The following RGS12 variants were observed in gnomAD, a reference collection of about 807,000 sequenced individuals.
RGS12 encodes regulator of G-protein signaling 12.
In RGS12, 66 loss-of-function variants were observed where a neutral mutation model predicts 120.1. That is an observed-to-expected ratio of 0.55 (90% CI 0.45 to 0.67). The LOEUF is 0.67. Among genes scored for constraint, RGS12 ranks in the 30% least tolerant of loss-of-function variants. The probability of loss-of-function intolerance (pLI) is 0.00; values close to 1 mark genes in which losing one functional copy is unlikely to be tolerated. For missense variants in RGS12, 1,859 were observed against 1,957.7 expected, an observed-to-expected ratio of 0.95 and a Z score of 0.95; for synonymous variants, 827 against 804.7, an observed-to-expected ratio of 1.03 and a Z score of -0.47.
chr4:3,376,981 C>T (rs1021115192), intron 3 of RGS12, among the ~76,000 whole-genome samples: 1 of 151,886 alleles, frequency 6.6e-6, no homozygotes, highest in Admixed American at 6.6e-5. Context: ...AAAGGTAAAG[C>T]ATATATTAGG....
At position 3,414,155 on chromosome 4, in the gene RGS12, C is replaced by T. The variant is rs773621864; in HGVS notation, c.2104C>T (p.Arg702Trp). ...CAGCCTCCCCAGCGTGCAGAGCTGC[C>T]GGCGCCTGCGTGAGAGGAGGGTCGC... ...NASLPSVQSC[R>W]RLRERRVASW... The change falls in exon 5 of 18, where the codon CGG becomes TGG. Residue 702 changes from arginine (R) to tryptophan (W), a missense_variant. By Grantham distance (101) the Arg-to-Trp change is moderately radical. Transcript: ENST00000336727. 2.1e-5 allele frequency: 33 copies of T among 1,559,446 alleles called. No individual in the cohort carries two copies. In the Admixed American group the frequency reaches 2.6e-4, roughly 12 times the overall value.
intron 4 of RGS12, among the ~76,000 whole-genome samples, chr4:3,411,773 G>A (rs2109086902): frequency 6.6e-6 from 1 of 152,412 alleles, no homozygotes; most frequent in Admixed American, 6.5e-5. Flanking sequence ...CACATGGGGG[G>A]GAGTCTTGGA....
chr4:3,316,678 TCCCTTTCAGAGTCG>T lies in RGS12; in HGVS notation c.509_522del (p.Ser170CysfsTer6), dbSNP rs1278338704. 1 of 1,613,924 alleles carries T rather than the reference TCCCTTTCAGAGTCG, an allele frequency of 6.2e-7. No individual in the cohort carries two copies. Among genetic ancestry groups the T allele is most frequent in the African/African-American group, 1.3e-5 (1 of 74,900 alleles). On this transcript the variant is annotated frameshift_variant, in exon 2 of 18. Transcript: ENST00000336727. LOFTEE classifies it high-confidence loss of function. ...AGAGCCCTTGAAATTGAAACAAAGA[TCCCTTTCAGAGTCG>T]GCCGCAACTCGATTTGATGTTGGAC...
Position 3,316,414 on chromosome 4 carries a change from A to G in RGS12, c.244A>G (p.Lys82Glu). Residue 82 changes from lysine (K) to glutamate (E), a missense_variant, in exon 2 of 18, where the codon AAA becomes GAA. Lys to Glu is a moderately conservative substitution (Grantham distance 56). Around this residue, in one of 3 missense-constraint regions of RGS12, gnomAD observed 967 missense variants for 994.2 expected, o/e 0.97. Transcript: ENST00000336727. ...AAAAGCATCTCATGAAGATGTAGTG[A>G]AATTAATTGGGAAGTGCTCTGGTGT... ...VKKASHEDVVKLIGKCSGVLH... is the reference protein window; with the variant it reads ...VKKASHEDVVELIGKCSGVLH... The G allele has an allele frequency of 6.2e-7, 1 of 1,614,138 alleles. No individual in the cohort carries two copies. The highest frequency in any genetic ancestry group is 1.1e-5 in the South Asian group (1 of 91,084).
At chr4:3,395,037 A>G (rs558078918) in intron 4 of RGS12, among the ~76,000 whole-genome samples, 1 of 152,108 alleles carries the variant, frequency 6.6e-6, no homozygotes, top group Non-Finnish European at 1.5e-5. Context: ...CAAAACAAAA[A>G]AAAACATTAG....
At chr4:3,362,558 T>A (rs1715721460) in intron 3 of RGS12, among the ~76,000 whole-genome samples, 1 of 106,650 alleles carries the variant, frequency 9.4e-6, no homozygotes, top group Non-Finnish European at 1.9e-5. Context: ...AGGGTGTGTG[T>A]GATGTGAGGG....
chr4:3,435,822 T>A (rs1724755550), intron 17 of RGS12, among the ~76,000 whole-genome samples: 1 of 152,170 alleles, frequency 6.6e-6, no homozygotes, highest in African/African-American at 2.4e-5. Flanking sequence ...TGCAAGTGAC[T>A]GTGACCTGGC....
chr4:3,357,603 C>T (rs777708301), intron 3 of RGS12, among the ~76,000 whole-genome samples: 5 of 152,074 alleles, frequency 3.3e-5, no homozygotes, highest in Admixed American at 6.6e-5. Flanking sequence ...TTTCCCGGCA[C>T]CATTTATTGA....
At position 3,433,666 on chromosome 4, in the gene RGS12, C is replaced by T. The variant is rs1724548122; in HGVS notation, c.4114+2711C>T. On this transcript the variant is annotated intron_variant, in intron 17 of 17. Coordinates refer to ENST00000336727, the MANE Select transcript of RGS12 (RefSeq NM_001394154.1). This position sits in a 1 kb window ranked among gnomAD's most constrained non-coding sequence, Gnocchi z 4.4. ...CGTGCCATGCCACCCTGTTCCAGCC[C>T]CTGCGCCACGTGGTGCTCCACCACG... is the stretch of plus-strand genomic sequence containing the variant. Among the ~76,000 whole-genome samples, 1 of 152,102 alleles carries T rather than the reference C, an allele frequency of 6.6e-6. No homozygotes were observed.
At position 3,422,529 on chromosome 4, in the gene RGS12, A is replaced by T; in HGVS notation, c.2992A>T (p.Asn998Tyr). The change falls in exon 11 of 18, where the codon AAC (asparagine) becomes TAC (tyrosine). Residue 998 changes from asparagine (N) to tyrosine (Y), a missense_variant. Asn to Tyr is a moderately radical substitution (Grantham distance 143, BLOSUM62 -2). Transcript: ENST00000336727. Reference protein sequence around the residue: ...LSGLCERHGINGAAADLFLVG... With the variant: ...LSGLCERHGIYGAAADLFLVG... ...CGGACTCTGTGAGCGGCATGGCATC[A>T]ACGGGGCGGCCGCGGACCTCTTCCT... 1 of 1,612,816 alleles carries T rather than the reference A, an allele frequency of 6.2e-7. No individual in the cohort carries two copies. The highest frequency in any genetic ancestry group is 8.5e-7 in the Non-Finnish European group (1 of 1,179,966).
At chr4:3,371,944 CG>C (rs1717049909) in intron 3 of RGS12, among the ~76,000 whole-genome samples, 1 of 152,086 alleles carries the variant, frequency 6.6e-6, no homozygotes, top group Non-Finnish European at 1.5e-5. Context: ...AAAGAGCACG[CG>C]GGGGAGCTGC....
At position 3,317,797 on chromosome 4, in the gene RGS12, C is replaced by G. The variant is rs1286027667; in HGVS notation, c.1627C>G (p.Leu543Val). 3 of 1,613,274 alleles carry G rather than the reference C, an allele frequency of 1.9e-6. No individual in the cohort carries two copies. Among genetic ancestry groups the G allele is most frequent in the Non-Finnish European group, 2.5e-6 (3 of 1,179,916 alleles). ...CCAGCGCTGGCTCCCGGTCCACGTG[C>G]TCCGGGAGTGGCAGTGCGGACACAC... is the stretch of plus-strand genomic sequence containing the variant. Reference protein sequence around the residue: ...FNQRWLPVHVLREWQCGHTSD... With the variant: ...FNQRWLPVHVVREWQCGHTSD... Residue 543 changes from leucine to valine, a missense_variant, in exon 2 of 18, where the codon CTC (leucine) becomes GTC (valine). Physicochemically the swap from Leu to Val is conservative, Grantham distance 32. Coordinates refer to ENST00000336727, the MANE Select transcript of RGS12 (RefSeq NM_001394154.1).
rs892529221 is a variant in RGS12, at chr4:3,344,121, G to A, written c.1998+1068G>A. On this transcript the variant is annotated intron_variant, in intron 3 of 17. Transcript: ENST00000336727. ...TGCATGAGCGGTGTGGCCAGACTCC[G>A]TCCACAGTGACTGCTCCAGCTCCTG... Among the ~76,000 whole-genome samples the A allele has an allele frequency of 7.2e-5, 11 of 152,142 alleles. No homozygotes were observed. In the East Asian group the frequency reaches 2.1e-3, roughly 29 times the overall value.
In RGS12 at chr4:3,423,549, C is replaced by A; in HGVS notation, c.3142C>A (p.Leu1048Ile). ...TGTTCCGATTAACCGGTCAGTGGGA[C>A]TCAAGGCCAAGCCCACCAAGCCCGT... Reference protein sequence around the residue: ...DLVPINRSVGLKAKPTKPVTE... With the variant: ...DLVPINRSVGIKAKPTKPVTE... The change falls in exon 13 of 18, where the codon CTC becomes ATC. Residue 1048 changes from leucine to isoleucine, a missense_variant. Leu to Ile is a conservative substitution (Grantham distance 5). Transcript: ENST00000336727. The A allele has an allele frequency of 6.2e-7, 1 of 1,613,086 alleles. No individual in the cohort carries two copies. Among genetic ancestry groups the A allele is most frequent in the Non-Finnish European group, 8.5e-7 (1 of 1,179,954 alleles).
intron 1 of RGS12, among the ~76,000 whole-genome samples, chr4:3,297,080 T>C (rs1215595296): frequency 6.6e-6 from 1 of 152,248 alleles, no homozygotes. Flanking sequence ...TCTTTTAAGG[T>C]CTGGACTTCA....
chr4:3,324,486 G>A (rs974099500), intron 2 of RGS12: 2 of 207,838 alleles, frequency 9.6e-6, no homozygotes, highest in African/African-American at 2.4e-5. Context: ...GCCAGCGTAC[G>A]CCATTGGGTA....
At chr4:3,297,295 T>C (rs1235203914) in intron 1 of RGS12, among the ~76,000 whole-genome samples, 2 of 152,220 alleles carry the variant, frequency 1.3e-5, no homozygotes, top group African/African-American at 2.4e-5. Flanking sequence ...GGGCTGAGTC[T>C]GTGGATTGAA....
rs930715853 is a variant in RGS12 at position 3,366,025 on chromosome 4, C to T, written c.1999-20391C>T. The stretch of plus-strand genomic sequence containing the variant: ...GGATGGGCTGCATGGGGCACCGTTG[C>T]GTGGGGCGTGCTCGAGGTGGAGACG... On this transcript the variant is annotated intron_variant, in intron 3 of 17. Transcript: ENST00000336727. The surrounding 1 kb of genome is among the most constrained non-coding windows in gnomAD (Gnocchi z 4.0). Among the ~76,000 whole-genome samples the T allele has an allele frequency of 5.9e-5, 9 of 152,166 alleles. No homozygotes were observed. The highest frequency in any genetic ancestry group is 4.2e-4 in the South Asian group (2 of 4,810).
intron 3 of RGS12, among the ~76,000 whole-genome samples, chr4:3,347,621 T>A (rs1713944005): frequency 6.6e-6 from 1 of 152,216 alleles, no homozygotes; most frequent in South Asian, 2.1e-4. Flanking sequence ...TGTTTCCTTA[T>A]TAGAGTTCTG....
Sources: allele counts gnomAD v4.1 joint callset (sites outside exome capture counted in the v4.1 genomes callset), GRCh38; gene constraint gnomAD v4.1.1; regional missense constraint gnomAD v4.1.1; non-coding constraint Gnocchi (gnomAD v3.1); transcripts MANE v1.5; gene names NCBI Gene and HGNC (gene_info 2026-07-23, HGNC 2026-07-21).